BRINP3: variants seen among roughly 807,000 people sequenced by gnomAD.
BRINP3 encodes the protein BMP/retinoic acid inducible neural specific 3, also known as BMP/retinoic acid-inducible neural-specific protein 3.
Under a neutral mutation model 71.0 loss-of-function variants are expected in BRINP3, and 19 were observed. The ratio of observed to expected loss-of-function variants is 0.27; its 90% CI spans 0.19 to 0.39. The LOEUF (loss-of-function observed/expected upper bound fraction) is 0.39. Among genes scored for constraint, BRINP3 ranks in the 10% least tolerant of loss-of-function variants. The probability of loss-of-function intolerance (pLI) is 1.00; values close to 1 mark genes in which losing one functional copy is unlikely to be tolerated. For synonymous variants in BRINP3, 380 were observed against 337.7 expected (o/e 1.13, Z -1.37); for missense variants, 959 against 940.8 (o/e 1.02, Z -0.25).
chr1:190,151,307 C>G (rs1656374640), intron 7 of BRINP3, among the ~76,000 whole-genome samples: 1 of 151,990 alleles, frequency 6.6e-6, no homozygotes, highest in African/African-American at 2.4e-5. Context: ...ATTTAAAAAG[C>G]AAAAGTACAA....
At chr1:190,456,707 A>G (rs1309929495) in intron 1 of BRINP3, among the ~76,000 whole-genome samples, 2 of 152,052 alleles carry the variant, frequency 1.3e-5, no homozygotes, top group Non-Finnish European at 2.9e-5. Flanking sequence ...TCTTTGTTAA[A>G]CACACTATTT....
chr1:190,339,058 C>CT (rs1260582093), intron 2 of BRINP3, among the ~76,000 whole-genome samples: 1 of 149,536 alleles, frequency 6.7e-6, no homozygotes, highest in East Asian at 1.9e-4. Context: ...ATAAAACAAT[C>CT]TTTTTTCTTC....
In BRINP3 at chr1:190,373,028, C is replaced by T. The variant is rs1368174049; in HGVS notation, c.236+81627G>A. The stretch of plus-strand genomic sequence containing the variant: ...TCTAAGACATTAAATATCCCCAAGA[C>T]ATTAAATAGCTGAGAAGAAAATTAG... On this transcript the variant is annotated intron_variant, in intron 2 of 7. Coordinates refer to ENST00000367462, the MANE Select transcript of BRINP3 (RefSeq NM_199051.3). Among the ~76,000 whole-genome samples, 3 of 152,062 alleles carry T rather than the reference C, an allele frequency of 2.0e-5. No individual in the cohort carries two copies. In the South Asian group the frequency reaches 6.2e-4, roughly 31 times the overall value.
rs745308648 is a variant in BRINP3 at position 190,099,051 on chromosome 1, G to A, written c.1268C>T (p.Thr423Met). Reference protein sequence around the residue: ...NGLLGSFSEETHSCTCPNDQV... With the variant: ...NGLLGSFSEEMHSCTCPNDQV... ...GTCATTCGGACACGTGCACGAGTGC[G>A]TCTCTTCTGAAAAGCTGCCTAGGAG... Residue 423 changes from threonine to methionine, a missense_variant, in exon 8 of 8, where the codon ACG becomes ATG. Physicochemically the swap from Thr to Met is moderately conservative, Grantham distance 81. Transcript: ENST00000367462. 6.2e-7 allele frequency: 1 copy of A among 1,614,162 alleles called. No homozygotes were observed. The highest frequency in any genetic ancestry group is 2.2e-5 in the East Asian group (1 of 44,880).
At chr1:190,432,805 C>G (rs2102515850) in intron 2 of BRINP3, among the ~76,000 whole-genome samples, 1 of 152,228 alleles carries the variant, frequency 6.6e-6, no homozygotes, top group East Asian at 1.9e-4. Flanking sequence ...TTAGGATTAA[C>G]CATCCAGAAG....
At chr1:190,312,573 C>A (rs551863510) in intron 2 of BRINP3, among the ~76,000 whole-genome samples, 1 of 151,634 alleles carries the variant, frequency 6.6e-6, no homozygotes, top group South Asian at 2.1e-4. Context: ...ATGAAATAGA[C>A]CTTAAGATGT....
chr1:190,194,431 T>C (rs1023261451), intron 6 of BRINP3, among the ~76,000 whole-genome samples: 3 of 152,034 alleles, frequency 2.0e-5, no homozygotes, highest in Non-Finnish European at 4.4e-5. Flanking sequence ...AACATTTTTA[T>C]TTGAGTGCAT....
At chr1:190,433,697 T>G (rs932960845) in intron 2 of BRINP3, among the ~76,000 whole-genome samples, 3 of 152,180 alleles carry the variant, frequency 2.0e-5, no homozygotes, top group Non-Finnish European at 4.4e-5. Flanking sequence ...CCTATCTACC[T>G]CGTTCCATTG....
intron 7 of BRINP3, among the ~76,000 whole-genome samples, chr1:190,153,469 G>T (rs1272887201): frequency 6.6e-6 from 1 of 152,062 alleles, no homozygotes; most frequent in Non-Finnish European, 1.5e-5. Context: ...ATACATAAAT[G>T]TAAGGGTTTG....
intron 6 of BRINP3, among the ~76,000 whole-genome samples, chr1:190,187,059 G>T (rs976510074): frequency 6.6e-6 from 1 of 152,046 alleles, no homozygotes; most frequent in Non-Finnish European, 1.5e-5. Context: ...CATTCTTAGG[G>T]CAAGGGCTTT....
chr1:190,384,627 TAC>T (rs953257331), intron 2 of BRINP3, among the ~76,000 whole-genome samples: 1 of 151,986 alleles, frequency 6.6e-6, no homozygotes, highest in Admixed American at 6.6e-5. Flanking sequence ...CTTTTTCTGA[TAC>T]AGTCTTACTT....
intron 2 of BRINP3, among the ~76,000 whole-genome samples, chr1:190,327,326 C>CAAAAAAAAAAAAAAGAAAAAAAAAA (rs1666651825): frequency 2.3e-5 from 1 of 44,232 alleles, no homozygotes; most frequent in African/African-American, 6.9e-5. Flanking sequence ...AAAAAAAGAA[C>CAAAAAAAAAAAAAAGAAAAAAAAAA]AAAAAAAAAA....
intron 2 of BRINP3, among the ~76,000 whole-genome samples, chr1:190,424,757 A>T (rs1388016081): frequency 6.6e-6 from 1 of 151,758 alleles, no homozygotes; most frequent in Admixed American, 6.6e-5. Context: ...GCTCTAAAAA[A>T]TACCACAGAT....
chr1:190,459,781 A>C (rs1360211929), intron 1 of BRINP3, among the ~76,000 whole-genome samples: 1 of 152,086 alleles, frequency 6.6e-6, no homozygotes, highest in East Asian at 1.9e-4. Flanking sequence ...AAGTCATTTC[A>C]GAAAACCATT....
chr1:190,465,584 TAGATCAGTTTAGCC>T (rs1676689668), intron 1 of BRINP3, among the ~76,000 whole-genome samples: 1 of 152,042 alleles, frequency 6.6e-6, no homozygotes, highest in African/African-American at 2.4e-5. Context: ...AGAATCCTGT[TAGATCAGTTTAGCC>T]AGAATCCCCT....
intron 2 of BRINP3, among the ~76,000 whole-genome samples, chr1:190,285,817 C>G (rs149542451): frequency 7.3e-4 from 110 of 151,646 alleles, no homozygotes; most frequent in African/African-American, 2.5e-3. Context: ...AGCAATGGAG[C>G]GCTGAATTAA....
intron 2 of BRINP3, among the ~76,000 whole-genome samples, chr1:190,363,294 G>T (rs1013041358): frequency 6.6e-6 from 1 of 152,268 alleles, no homozygotes; most frequent in African/African-American, 2.4e-5. Flanking sequence ...GAGGAATCTA[G>T]TCAACACCTT....
chr1:190,139,621 G>A (rs1422891902), intron 7 of BRINP3, among the ~76,000 whole-genome samples: 1 of 152,082 alleles, frequency 6.6e-6, no homozygotes, highest in South Asian at 2.1e-4. Context: ...AAGGAAAGGT[G>A]GGCAGGGAGG....
chr1:190,473,006 G>A (rs530345359), intron 1 of BRINP3, among the ~76,000 whole-genome samples: 8 of 151,904 alleles, frequency 5.3e-5, no homozygotes, highest in South Asian at 4.1e-4. Flanking sequence ...ATGAAATCAC[G>A]TAATATTATC....
Sources: gnomAD v4.1 joint callset for allele counts (sites outside exome capture counted in the v4.1 genomes callset) on GRCh38, gnomAD v4.1.1 for gene constraint, MANE v1.5 for transcripts, NCBI Gene and HGNC (gene_info 2026-07-23, HGNC 2026-07-21) for gene names.